Variants in CFAP299 observed in about 807,000 individuals in gnomAD.
The protein encoded by CFAP299 is cilia and flagella associated protein 299.
CFAP299 carries 21 observed loss-of-function variants against 27.0 expected under a neutral mutation model. The ratio of observed to expected loss-of-function variants is 0.78; its 90% confidence interval spans 0.55 to 1.12. CFAP299 has a LOEUF of 1.12. CFAP299 is among the 50% of genes most tolerant of loss of function. The pLI, the probability that CFAP299 is intolerant of heterozygous loss-of-function variation, is 0.00. For missense variants in CFAP299, 310 were observed against 276.6 expected, an observed-to-expected ratio of 1.12 and a Z score of -0.86; for synonymous variants, 104 against 98.1, an observed-to-expected ratio of 1.06 and a Z score of -0.36.
intron 2 of CFAP299, among the ~76,000 whole-genome samples, chr4:80,471,143 T>A (rs1275948914): frequency 6.6e-6 from 1 of 152,132 alleles, no homozygotes; most frequent in Non-Finnish European, 1.5e-5. Flanking sequence ...AGTAGTAGAT[T>A]GTCAGCTAAA....
At chr4:80,728,960 A>T (rs1444897849) in intron 3 of CFAP299, among the ~76,000 whole-genome samples, 1 of 152,100 alleles carries the variant, frequency 6.6e-6, no homozygotes, top group African/African-American at 2.4e-5. Flanking sequence ...AAAGCTCCCC[A>T]CAACCTGCAA....
At chr4:80,631,536 T>C (rs1739203451) in intron 3 of CFAP299, among the ~76,000 whole-genome samples, 1 of 152,132 alleles carries the variant, frequency 6.6e-6, no homozygotes, top group Non-Finnish European at 1.5e-5. Flanking sequence ...TTCTTTATGC[T>C]TCATGATAGA....
chr4:80,414,807 C>G, intron 2 of CFAP299, among the ~76,000 whole-genome samples: 1 of 152,194 alleles, frequency 6.6e-6, no homozygotes, highest in Non-Finnish European at 1.5e-5. Flanking sequence ...CTTGAGTTAC[C>G]TTAGGGAAAT....
chr4:80,641,001 A>G (rs1174614948), intron 3 of CFAP299, among the ~76,000 whole-genome samples: 1 of 152,150 alleles, frequency 6.6e-6, no homozygotes, highest in Admixed American at 6.6e-5. Context: ...AAGTTTTAGT[A>G]TCTGTTAAAT....
intron 3 of CFAP299, among the ~76,000 whole-genome samples, chr4:80,704,958 A>G (rs748335686): frequency 6.6e-6 from 1 of 151,816 alleles, no homozygotes; most frequent in Non-Finnish European, 1.5e-5. Flanking sequence ...CACATTTTCT[A>G]TGGAAAGGAT....
intron 2 of CFAP299, among the ~76,000 whole-genome samples, chr4:80,504,183 G>A (rs781750479): frequency 9.9e-5 from 15 of 151,814 alleles, no homozygotes; most frequent in East Asian, 1.9e-4. Flanking sequence ...TGTTCTGAGC[G>A]GAGATGTCTA....
rs570914429 is a variant in CFAP299 at position 80,880,470 on chromosome 4, G to A, written c.476+10335G>A. Among the ~76,000 whole-genome samples, 7 of 152,222 alleles carry A rather than the reference G, an allele frequency of 4.6e-5. No homozygotes were observed. The East Asian group carries it at 9.7e-4, about 21-fold the overall frequency. On this transcript the variant is annotated intron_variant, in intron 4 of 5. Coordinates refer to ENST00000358105, the MANE Select transcript of CFAP299 (RefSeq NM_152770.3). ...TAATCGTCCAGGTGTAGTGGCTCAC[G>A]CCTGTAATCCCAGCACTTTGGGAGG...
In CFAP299 at chr4:80,800,622, A is replaced by T. The variant is rs1342850726; in HGVS notation, c.334-69371A>T. On this transcript the variant is annotated intron_variant, in intron 3 of 5. Coordinates refer to ENST00000358105, the MANE Select transcript of CFAP299 (RefSeq NM_152770.3). ...TTAATATAAATATATAATATATAAT[A>T]TATTAATATAAATATATAATATATT... Among the ~76,000 whole-genome samples the T allele has an allele frequency of 8.9e-5, 9 of 101,492 alleles. No individual in the cohort carries two copies. The East Asian group carries it at 1.2e-3, about 13-fold the overall frequency. 66.6% of individuals were successfully genotyped at this position (101,492 alleles called of 152,430 possible). A position where few individuals can be genotyped will look rare whatever the true frequency, so the allele number is the denominator to read the frequency against.
chr4:80,358,538 C>T (rs145907875), intron 1 of CFAP299, among the ~76,000 whole-genome samples: 223 of 152,008 alleles, frequency 1.5e-3, no homozygotes, highest in African/African-American at 4.9e-3. Flanking sequence ...ACATATATTT[C>T]GGATAGTTAA....
chr4:80,414,860 A>G lies in CFAP299; in HGVS notation c.242+51976A>G, dbSNP rs182181565. ...ATTTATTTACATACATGTACTCTTC[A>G]TATTGACAAATGTATTTTATGTGAA... On this transcript the variant is annotated intron_variant, in intron 2 of 5. Coordinates refer to ENST00000358105, the MANE Select transcript of CFAP299 (RefSeq NM_152770.3). 9.5e-4 allele frequency among the ~76,000 whole-genome samples: 145 copies of G among 152,336 alleles called. 1 individual carries two copies. The highest frequency in any genetic ancestry group is 1.5e-3 in the Non-Finnish European group (104 of 68,026).
chr4:80,799,986 GT>G (rs1284870377), intron 3 of CFAP299, among the ~76,000 whole-genome samples: 6 of 44,554 alleles, frequency 1.3e-4, no homozygotes, highest in African/African-American at 4.8e-4. Flanking sequence ...TATAATATAT[GT>G]AATATATATT....
chr4:80,543,364 T>C (rs1233314138), intron 2 of CFAP299, among the ~76,000 whole-genome samples: 1 of 152,128 alleles, frequency 6.6e-6, no homozygotes, highest in Admixed American at 6.5e-5. Context: ...CAGATTGAAA[T>C]GGCTAAAACG....
At chr4:80,518,282 G>A (rs140787563) in intron 2 of CFAP299, among the ~76,000 whole-genome samples, 2 of 152,282 alleles carry the variant, frequency 1.3e-5, no homozygotes, top group Non-Finnish European at 2.9e-5. Flanking sequence ...AAACAACAAA[G>A]AGGGATAGAG....
chr4:80,683,679 A>T (rs1250153076), intron 3 of CFAP299, among the ~76,000 whole-genome samples: 2 of 152,220 alleles, frequency 1.3e-5, no homozygotes, highest in Non-Finnish European at 2.9e-5. Context: ...TTTTGAAAAT[A>T]GGAATAGCAC....
At chr4:80,589,166 A>T (rs1736595363) in intron 3 of CFAP299, among the ~76,000 whole-genome samples, 1 of 152,182 alleles carries the variant, frequency 6.6e-6, no homozygotes, top group Non-Finnish European at 1.5e-5. Context: ...TAAGCACTTT[A>T]TATGTTAACT....
chr4:80,848,783 C>T (rs1731325281), intron 3 of CFAP299, among the ~76,000 whole-genome samples: 2 of 151,844 alleles, frequency 1.3e-5, no homozygotes, highest in African/African-American at 4.8e-5. Flanking sequence ...CTCAAAAAAA[C>T]AAAAACAAAA....
intron 3 of CFAP299, among the ~76,000 whole-genome samples, chr4:80,857,385 A>T (rs1731981061): frequency 1.3e-5 from 2 of 152,150 alleles, no homozygotes. Context: ...TTCCTAATTG[A>T]ATACCCTTTA....
intron 3 of CFAP299, among the ~76,000 whole-genome samples, chr4:80,723,447 A>G (rs922515692): frequency 1.3e-5 from 2 of 152,146 alleles, no homozygotes; most frequent in African/African-American, 4.8e-5. Context: ...AAATCACAAA[A>G]CGATTATGCT....
intron 3 of CFAP299, among the ~76,000 whole-genome samples, chr4:80,645,965 TCA>T (rs1739989097): frequency 1.3e-5 from 2 of 152,216 alleles, no homozygotes; most frequent in South Asian, 4.1e-4. Context: ...TGAATTTCTC[TCA>T]GTTTGAAAAA....
Sources: allele counts gnomAD v4.1 joint callset (sites outside exome capture counted in the v4.1 genomes callset), GRCh38; gene constraint gnomAD v4.1.1; transcripts MANE v1.5; gene names NCBI Gene and HGNC (gene_info 2026-07-23, HGNC 2026-07-21).